The following RNF150 variants were observed in gnomAD, a reference collection of about 807,000 sequenced individuals.
The protein encoded by RNF150 is ring finger protein 150.
Under a neutral mutation model 39.3 loss-of-function variants are expected in RNF150, and 24 were observed. The ratio of observed to expected loss-of-function variants is 0.61; its 90% CI spans 0.44 to 0.86. The LOEUF (loss-of-function observed/expected upper bound fraction) is 0.86, where lower values mean the gene tolerates loss of function less well. Ranked by LOEUF, RNF150 falls within the 40% of genes least tolerant of loss-of-function variation. The probability of loss-of-function intolerance (pLI) is 0.00; values close to 1 mark genes in which losing one functional copy is unlikely to be tolerated. For synonymous variants in RNF150, 255 were observed against 227.3 expected (o/e 1.12, Z -1.10); for missense variants, 502 against 587.8 (o/e 0.85, Z 1.51).
At chr4:141,068,921 CT>C (rs1364216224) in intron 1 of RNF150, among the ~76,000 whole-genome samples, 1 of 138,836 alleles carries the variant, frequency 7.2e-6, no homozygotes, top group Non-Finnish European at 1.6e-5. Context: ...TATCCTGAGA[CT>C]TTGCTGAAGT....
At position 140,936,218 on chromosome 4, in the gene RNF150, A is replaced by G. The variant is rs1731858943; in HGVS notation, c.891-10145T>C. 2.0e-5 allele frequency among the ~76,000 whole-genome samples: 3 copies of G among 152,166 alleles called. No homozygotes were observed. The South Asian group carries it at 6.2e-4, about 31-fold the overall frequency. On this transcript the variant is annotated intron_variant, in intron 4 of 6. Coordinates refer to ENST00000515673, the MANE Select transcript of RNF150 (RefSeq NM_020724.2). ...TCTGTACTGTCCTCATTTTTTGGCT[A>G]TTATGGCTAAATGTGCTATGGCCAC...
chr4:140,912,330 T>G (rs193227740), intron 5 of RNF150, among the ~76,000 whole-genome samples: 7 of 152,330 alleles, frequency 4.6e-5, no homozygotes, highest in African/African-American at 1.7e-4. Flanking sequence ...GGTGGAGGAA[T>G]ATTGTCTTAA....
chr4:141,143,660 C>G (rs759271106), intron 1 of RNF150, among the ~76,000 whole-genome samples: 56 of 152,298 alleles, frequency 3.7e-4, no homozygotes, highest in Admixed American at 1.4e-3. Context: ...TCCGGTCTGC[C>G]CCTGCCTTTT....
rs1728721316 is a variant in RNF150 at position 140,866,634 on chromosome 4, G to A, written c.*1627C>T. 1 of 152,196 alleles carries A rather than the reference G, an allele frequency of 6.6e-6. No homozygotes were observed. Among genetic ancestry groups the A allele is most frequent in the Non-Finnish European group, 1.5e-5 (1 of 68,048 alleles). 9.4% of individuals were successfully genotyped at this position (152,196 alleles called of 1,614,324 possible). A position where few individuals can be genotyped will look rare whatever the true frequency, so the allele number is the denominator to read the frequency against. On this transcript the variant is annotated 3_prime_UTR_variant, in exon 7 of 7. Transcript: ENST00000515673. ...CACACCATGTTTCAGCAGGCGGCAA[G>A]GATTTACAGCAGAACCAAACTCTTT...
intron 1 of RNF150, among the ~76,000 whole-genome samples, chr4:141,049,278 AAC>A (rs1364012230): frequency 6.6e-6 from 1 of 152,002 alleles, no homozygotes; most frequent in Non-Finnish European, 1.5e-5. Context: ...TAAAAAAAAA[AAC>A]ACAAAAACTT....
At chr4:141,001,117 T>A (rs2111505012) in intron 1 of RNF150, among the ~76,000 whole-genome samples, 1 of 152,346 alleles carries the variant, frequency 6.6e-6, no homozygotes, top group East Asian at 1.9e-4. Context: ...ATATCTGTAC[T>A]TGATCAGGTT....
intron 1 of RNF150, among the ~76,000 whole-genome samples, chr4:141,029,639 T>C (rs374470918): frequency 2.6e-5 from 4 of 152,212 alleles, no homozygotes; most frequent in African/African-American, 9.6e-5. Context: ...AAGGAATGAC[T>C]GGGTATGCCT....
chr4:141,103,387 A>G (rs1301915423), intron 1 of RNF150, among the ~76,000 whole-genome samples: 1 of 152,196 alleles, frequency 6.6e-6, no homozygotes, highest in Admixed American at 6.5e-5. Flanking sequence ...ATAAGTAACA[A>G]TAAAAGTGAA....
At position 140,960,469 on chromosome 4, in the gene RNF150, G is replaced by A. The variant is rs151173892; in HGVS notation, c.735+7154C>T. Among the ~76,000 whole-genome samples, 160 of 152,206 alleles carry A rather than the reference G, an allele frequency of 1.1e-3. 1 individual carries two copies. Among genetic ancestry groups the A allele is most frequent in the African/African-American group, 3.7e-3 (155 of 41,544 alleles). Reference sequence around the variant, plus strand: ...ACCATACCTGAGTTTATGTTAATGAGGTAACTTTGGAAAGCTTCTAAGAAA... The same window carrying A: ...ACCATACCTGAGTTTATGTTAATGAAGTAACTTTGGAAAGCTTCTAAGAAA... On this transcript the variant is annotated intron_variant, in intron 2 of 6. Coordinates refer to ENST00000515673, the MANE Select transcript of RNF150 (RefSeq NM_020724.2).
intron 5 of RNF150, among the ~76,000 whole-genome samples, chr4:140,916,409 A>T (rs1332113072): frequency 1.3e-5 from 2 of 152,226 alleles, no homozygotes; most frequent in African/African-American, 4.8e-5. Flanking sequence ...CACAAGCCTC[A>T]GTAACCGATG....
At chr4:141,006,484 T>G (rs1164845996) in intron 1 of RNF150, among the ~76,000 whole-genome samples, 1 of 152,180 alleles carries the variant, frequency 6.6e-6, no homozygotes, top group African/African-American at 2.4e-5. Flanking sequence ...GGAATACAGC[T>G]AATGCCACAG....
intron 1 of RNF150, among the ~76,000 whole-genome samples, chr4:141,064,332 T>G (rs1276722206): frequency 6.6e-6 from 1 of 152,222 alleles, no homozygotes; most frequent in Non-Finnish European, 1.5e-5. Context: ...TTGGAAAATC[T>G]TAACCATTAT....
At chr4:141,108,532 T>C (rs931168301) in intron 1 of RNF150, among the ~76,000 whole-genome samples, 2 of 152,236 alleles carry the variant, frequency 1.3e-5, no homozygotes, top group African/African-American at 4.8e-5. Flanking sequence ...ATTTCATTAC[T>C]TCTAAGATGA....
At position 140,949,373 on chromosome 4, in the gene RNF150, C is replaced by A. The variant is rs1170289955; in HGVS notation, c.736-1G>T. 6.2e-7 allele frequency: 1 copy of A among 1,612,654 alleles called. No homozygotes were observed. Among genetic ancestry groups the A allele is most frequent in the Non-Finnish European group, 8.5e-7 (1 of 1,179,252 alleles). On this transcript the variant is annotated splice_acceptor_variant, in intron 2 of 6. Coordinates refer to ENST00000515673, the MANE Select transcript of RNF150 (RefSeq NM_020724.2). LOFTEE classifies it high-confidence loss of function. ...TCTTTGCTGCATCCCCCAGTCGGCG[C>A]TGAAAAGCCAAAACGTGCTTGTTAA...
chr4:141,042,994 A>G (rs1736425731), intron 1 of RNF150, among the ~76,000 whole-genome samples: 1 of 152,172 alleles, frequency 6.6e-6, no homozygotes, highest in South Asian at 2.1e-4. Flanking sequence ...AAAACTTGGT[A>G]GAGCTGTATG....
intron 1 of RNF150, among the ~76,000 whole-genome samples, chr4:141,143,014 C>T (rs1008772849): frequency 4.6e-5 from 7 of 151,928 alleles, no homozygotes; most frequent in African/African-American, 9.7e-5. Context: ...GGACTACAGG[C>T]GCACACAGCC....
intron 1 of RNF150, among the ~76,000 whole-genome samples, chr4:141,144,696 A>T (rs531050471): frequency 6.6e-6 from 1 of 152,200 alleles, no homozygotes; most frequent in African/African-American, 2.4e-5. Flanking sequence ...ATCAGAGGAA[A>T]TGTAGGAAAA....
intron 1 of RNF150, among the ~76,000 whole-genome samples, chr4:140,973,373 T>C (rs1265973298): frequency 1.3e-5 from 2 of 152,162 alleles, no homozygotes; most frequent in Non-Finnish European, 2.9e-5. Context: ...GTAATACATG[T>C]ACATTTTCAA....
At chr4:141,139,540 T>A (rs898660635) in intron 1 of RNF150, among the ~76,000 whole-genome samples, 1 of 152,238 alleles carries the variant, frequency 6.6e-6, no homozygotes, top group African/African-American at 2.4e-5. Flanking sequence ...AAGAAAGATG[T>A]CCTGCTTATG....
Sources: gnomAD v4.1 joint callset for allele counts (sites outside exome capture counted in the v4.1 genomes callset) on GRCh38, gnomAD v4.1.1 for gene constraint, MANE v1.5 for transcripts, NCBI Gene and HGNC (gene_info 2026-07-23, HGNC 2026-07-21) for gene names.